Variants in LAMA2 observed in about 807,000 individuals in gnomAD.
LAMA2 encodes the protein laminin subunit alpha 2, also known as laminin subunit alpha-2.
LAMA2 carries 269 observed loss-of-function variants against 364.8 expected under a neutral mutation model. The ratio of observed to expected loss-of-function variants is 0.74; its 90% CI spans 0.67 to 0.82. The LOEUF (loss-of-function observed/expected upper bound fraction) is 0.82. Among genes scored for constraint, LAMA2 ranks in the 40% least tolerant of loss-of-function variants. The pLI is 0.00. For synonymous variants in LAMA2, 1,379 were observed against 1,370.6 expected, an observed-to-expected ratio of 1.01 and a Z score of -0.14; for missense variants, 3,807 against 3,873.2, an observed-to-expected ratio of 0.98 and a Z score of 0.45.
chr6:129,411,388 A>T (rs10456979), intron 40 of LAMA2, among the ~76,000 whole-genome samples: 76,242 of 152,054 alleles, frequency 0.5, 19,612 homozygotes, highest in African/African-American at 0.62. Context: ...AGAAAAAATG[A>T]TAGTGGGATG....
intron 41 of LAMA2, among the ~76,000 whole-genome samples, chr6:129,431,644 T>G (rs1318283566): frequency 1.3e-5 from 2 of 152,082 alleles, no homozygotes; most frequent in East Asian, 3.9e-4. Context: ...TAACTAAACT[T>G]CATAACATAA....
intron 1 of LAMA2, chr6:128,929,015 A>T: frequency 7.2e-7 from 1 of 1,390,096 alleles, no homozygotes; most frequent in Non-Finnish European, 1.0e-6. Flanking sequence ...GATGAAGCCC[A>T]TATATGCATT....
At chr6:129,250,639 T>G (rs568441814) in intron 13 of LAMA2, among the ~76,000 whole-genome samples, 15 of 152,288 alleles carry the variant, frequency 9.8e-5, no homozygotes, top group Non-Finnish European at 1.5e-4. Flanking sequence ...AGTTAAATCT[T>G]GACTTCAGAA....
At chr6:129,481,544 T>C (rs1475325432) in intron 55 of LAMA2, 105 bp downstream of exon 55, 1 of 979,112 alleles carries the variant, frequency 1.0e-6, no homozygotes, top group East Asian at 2.4e-5. Flanking sequence ...TGCTCTCATC[T>C]TGGCTAGCAA....
At position 129,506,736 on chromosome 6, in the gene LAMA2, T is replaced by C. The variant is rs1786114707; in HGVS notation, c.8704-753T>C. Among the ~76,000 whole-genome samples the C allele has an allele frequency of 1.3e-5, 2 of 152,156 alleles. 1 individual carries two copies. Among genetic ancestry groups the C allele is most frequent in the South Asian group, 4.2e-4 (2 of 4,818 alleles). On this transcript the variant is annotated intron_variant, in intron 61 of 64. Transcript: ENST00000421865. ...ATGATAATGTAGATTTGTTCATTCA[T>C]CAAAGACAATCACCCATTATAGTTG... is the stretch of plus-strand genomic sequence containing the variant.
At chr6:129,309,844 A>G (rs1007493232) in intron 22 of LAMA2, among the ~76,000 whole-genome samples, 5 of 152,106 alleles carry the variant, frequency 3.3e-5, no homozygotes, top group African/African-American at 1.2e-4. Context: ...GATTAGCAAT[A>G]ATTAGATAGA....
intron 37 of LAMA2, among the ~76,000 whole-genome samples, chr6:129,394,704 A>G (rs960156742): frequency 1.3e-5 from 2 of 152,236 alleles, no homozygotes; most frequent in African/African-American, 4.8e-5. Flanking sequence ...ACCGTTTGAT[A>G]AATGAAAATT....
chr6:128,997,444 A>G (rs1378937203), intron 1 of LAMA2, among the ~76,000 whole-genome samples: 5 of 152,108 alleles, frequency 3.3e-5, no homozygotes, highest in Non-Finnish European at 7.4e-5. Context: ...AGAGAGGGGA[A>G]GAATAGTATT....
chr6:128,894,278 CA>C (rs1776636990), intron 1 of LAMA2, among the ~76,000 whole-genome samples: 3 of 152,296 alleles, frequency 2.0e-5, no homozygotes, highest in Non-Finnish European at 4.4e-5. Flanking sequence ...AGATCAGCCA[CA>C]ACTTGACAGA....
chr6:129,246,794 C>T (rs372079311), intron 12 of LAMA2, among the ~76,000 whole-genome samples: 50 of 152,102 alleles, frequency 3.3e-4, no homozygotes, highest in African/African-American at 1.1e-3. Flanking sequence ...AAAACGAAGG[C>T]GGCACCTGGA....
chr6:129,432,377 G>A (rs570304559), intron 41 of LAMA2, among the ~76,000 whole-genome samples: 4 of 152,288 alleles, frequency 2.6e-5, no homozygotes, highest in South Asian at 2.1e-4. Context: ...AGAGCGAGAC[G>A]TAGCTTGTCA....
At chr6:129,436,011 T>A (rs1274067065) in intron 41 of LAMA2, among the ~76,000 whole-genome samples, 1 of 152,182 alleles carries the variant, frequency 6.6e-6, no homozygotes, top group Non-Finnish European at 1.5e-5. Flanking sequence ...CTGCCTTCTC[T>A]GGGTACCAGG....
At chr6:128,929,959 C>T (rs1779354764) in intron 1 of LAMA2, 2 of 692,706 alleles carry the variant, frequency 2.9e-6, no homozygotes, top group Non-Finnish European at 5.0e-6. Flanking sequence ...CCCACCACTC[C>T]CTCATCCTGC....
rs376653718 is a variant in LAMA2 at position 128,966,012 on chromosome 6, C to T, written c.112+82655C>T. Among the ~76,000 whole-genome samples the T allele has an allele frequency of 7.5e-3, 840 of 112,404 alleles. 9 individuals are homozygous for T. Among genetic ancestry groups the T allele is most frequent in the African/African-American group, 0.028 (786 of 28,460 alleles). 73.7% of individuals were successfully genotyped at this position (112,404 alleles called of 152,430 possible). On this transcript the variant is annotated intron_variant, in intron 1 of 64. Transcript: ENST00000421865. ...TTTTTTTTTTTTTTGAACAATCTGA[C>T]TATTCTAAAACACTTTTTAGGATAT...
chr6:129,166,220 T>G (rs1423762851), intron 9 of LAMA2, among the ~76,000 whole-genome samples: 1 of 152,176 alleles, frequency 6.6e-6, no homozygotes, highest in Non-Finnish European at 1.5e-5. Flanking sequence ...AAGCCTTCCT[T>G]TGAGGAATGA....
chr6:129,333,866 T>C (rs576833346), intron 29 of LAMA2, among the ~76,000 whole-genome samples: 1 of 152,360 alleles, frequency 6.6e-6, no homozygotes, highest in African/African-American at 2.4e-5. Context: ...GTCTTTATAC[T>C]GTCCTCTTTT....
intron 12 of LAMA2, among the ~76,000 whole-genome samples, chr6:129,222,666 G>A (rs563857273): frequency 6.6e-4 from 100 of 152,012 alleles, no homozygotes; most frequent in African/African-American, 2.2e-3. Context: ...TACAAAGGAC[G>A]TGAACTCATC....
chr6:129,297,373 G>T (rs1048122344), intron 20 of LAMA2, among the ~76,000 whole-genome samples: 4 of 152,068 alleles, frequency 2.6e-5, no homozygotes, highest in Non-Finnish European at 5.9e-5. Context: ...ACCACCTATA[G>T]GTCCTTTCCA....
intron 4 of LAMA2, among the ~76,000 whole-genome samples, chr6:129,138,140 T>C (rs1777911855): frequency 6.6e-6 from 1 of 152,034 alleles, no homozygotes; most frequent in Non-Finnish European, 1.5e-5. Context: ...AGTGACCATC[T>C]AGTAGATATC....
Sources: allele counts gnomAD v4.1 joint callset (sites outside exome capture counted in the v4.1 genomes callset), GRCh38; gene constraint gnomAD v4.1.1; transcripts MANE v1.5; gene names NCBI Gene and HGNC (gene_info 2026-07-23, HGNC 2026-07-21).